The following EPB41L3 variants were observed in gnomAD, a reference collection of about 807,000 sequenced individuals.
The protein encoded by EPB41L3 is band 4.1-like protein 3.
In EPB41L3, 57 loss-of-function variants were observed where a neutral mutation model predicts 127.1. The observed-to-expected ratio is 0.45, with a 90% CI of 0.36 to 0.56. The LOEUF (loss-of-function observed/expected upper bound fraction) is 0.56. EPB41L3 is among the 20% of genes least tolerant of loss of function. The pLI is 0.00. For missense variants in EPB41L3, 1,273 were observed against 1,372.2 expected, an observed-to-expected ratio of 0.93 and a Z score of 1.14; for synonymous variants, 572 against 549.5, an observed-to-expected ratio of 1.04 and a Z score of -0.57.
intron 1 of EPB41L3, among the ~76,000 whole-genome samples, chr18:5,501,033 G>A (rs1437555590): frequency 6.6e-6 from 1 of 152,164 alleles, no homozygotes; most frequent in Non-Finnish European, 1.5e-5. Context: ...AAGACAAGCT[G>A]CCTGTAAATA....
At chr18:5,416,520 G>A in intron 12 of EPB41L3, 142 bp from the exon 13 acceptor site, 1 of 805,546 alleles carries the variant, frequency 1.2e-6, no homozygotes. Context: ...GGTTGCTCAT[G>A]AATGTTAAAG....
chr18:5,402,888 T>C (rs2074743098), intron 16 of EPB41L3, among the ~76,000 whole-genome samples: 1 of 152,168 alleles, frequency 6.6e-6, no homozygotes, highest in Non-Finnish European at 1.5e-5. Flanking sequence ...AATGGGTAAA[T>C]TTGCAAATAC....
chr18:5,512,595 AT>A (rs1220773839), intron 1 of EPB41L3, among the ~76,000 whole-genome samples: 4 of 152,186 alleles, frequency 2.6e-5, no homozygotes, highest in Non-Finnish European at 5.9e-5. Flanking sequence ...TGGAGAATGG[AT>A]TAGGGAACAG....
intron 5 of EPB41L3, among the ~76,000 whole-genome samples, chr18:5,438,619 AAC>A (rs757294661): frequency 6.6e-6 from 1 of 152,244 alleles, no homozygotes. Context: ...TGTTGCAGTG[AAC>A]AGTGTTCTAG....
In EPB41L3 at chr18:5,410,602, C is replaced by T. The variant is rs773711562; in HGVS notation, c.2085G>A (p.Thr695=). The T allele has an allele frequency of 1.7e-5, 28 of 1,613,526 alleles. No homozygotes were observed. The highest frequency in any genetic ancestry group is 1.2e-4 in the Admixed American group (7 of 59,970). The change falls in exon 14 of 23, where the codon ACG becomes ACA. Residue 695 remains threonine, a synonymous_variant. Transcript: ENST00000341928. ...SSEEETDSER[T]DTAADGETTA... is the part of the protein sequence containing the mutation. Reference sequence around the variant, plus strand: ...TGGTCTCCCCGTCGGCTGCGGTGTCCGTGCGCTCACTGTCAGTCTGTTGAC... The same window carrying T: ...TGGTCTCCCCGTCGGCTGCGGTGTCTGTGCGCTCACTGTCAGTCTGTTGAC...
At chr18:5,508,766 CAAA>C (rs397969769) in intron 1 of EPB41L3, among the ~76,000 whole-genome samples, 6 of 52,594 alleles carry the variant, frequency 1.1e-4, no homozygotes, top group Admixed American at 2.1e-4. Context: ...GACTCCATCT[CAAA>C]AAAAAAAAAA....
chr18:5,627,784 T>C (rs1249615607), intron 1 of EPB41L3, among the ~76,000 whole-genome samples: 1 of 152,198 alleles, frequency 6.6e-6, no homozygotes, highest in Non-Finnish European at 1.5e-5. Context: ...TGTATTTCCA[T>C]TATTGGGATT....
At chr18:5,469,279 G>C (rs2085618978) in intron 3 of EPB41L3, among the ~76,000 whole-genome samples, 1 of 152,222 alleles carries the variant, frequency 6.6e-6, no homozygotes, top group African/African-American at 2.4e-5. Context: ...TGGGGGGTCT[G>C]TGGTTTCTGG....
chr18:5,600,687 T>C (rs755543441), intron 3 of EPB41L3, among the ~76,000 whole-genome samples: 1 of 152,176 alleles, frequency 6.6e-6, no homozygotes, highest in African/African-American at 2.4e-5. Flanking sequence ...TTTAAAAATA[T>C]ATCCTTAAAA....
At chr18:5,545,919 A>G (rs1327864809), upstream of EPB41L3, among the ~76,000 whole-genome samples, 4 of 139,064 alleles carry the variant, frequency 2.9e-5, no homozygotes, top group African/African-American at 5.3e-5. Flanking sequence ...GTGTGTGTGT[A>G]GCACATAAGG....
chr18:5,557,678 C>A (rs984764496), intron 3 of EPB41L3, among the ~76,000 whole-genome samples: 1 of 152,196 alleles, frequency 6.6e-6, no homozygotes, highest in African/African-American at 2.4e-5. Context: ...AGCTACTGTG[C>A]CCAGGCACTC....
At chr18:5,410,960 T>C (rs368729819) in intron 13 of EPB41L3, among the ~76,000 whole-genome samples, 1 of 152,170 alleles carries the variant, frequency 6.6e-6, no homozygotes. Flanking sequence ...TCAAGCAACA[T>C]CTCCTTAAAA....
chr18:5,602,400 A>G (rs2094601178), intron 3 of EPB41L3, among the ~76,000 whole-genome samples: 3 of 152,200 alleles, frequency 2.0e-5, no homozygotes. Context: ...TCCACTTGGA[A>G]GGATCAATAG....
chr18:5,570,477 A>C (rs936925568), intron 3 of EPB41L3, among the ~76,000 whole-genome samples: 2 of 152,194 alleles, frequency 1.3e-5, no homozygotes, highest in Admixed American at 6.5e-5. Context: ...TTGGGTACTA[A>C]ACTACCATTT....
At chr18:5,477,648 T>C (rs1228231794) in intron 3 of EPB41L3, among the ~76,000 whole-genome samples, 2 of 152,174 alleles carry the variant, frequency 1.3e-5, no homozygotes, top group Non-Finnish European at 2.9e-5. Flanking sequence ...AATTTGGTCT[T>C]GACAAACATC....
intron 1 of EPB41L3, among the ~76,000 whole-genome samples, chr18:5,497,370 C>T (rs1214315619): frequency 6.6e-6 from 1 of 152,036 alleles, no homozygotes; most frequent in Non-Finnish European, 1.5e-5. Flanking sequence ...TGGCAACAGT[C>T]CAGGTGAGGG....
chr18:5,530,001 C>T (rs1322333096), intron 1 of EPB41L3, among the ~76,000 whole-genome samples: 2 of 152,050 alleles, frequency 1.3e-5, no homozygotes, highest in East Asian at 3.9e-4. Flanking sequence ...CCCTCTCCCT[C>T]ACCTCCCACC....
intron 3 of EPB41L3, among the ~76,000 whole-genome samples, chr18:5,573,664 C>T (rs534725389): frequency 6.6e-6 from 1 of 152,274 alleles, no homozygotes; most frequent in South Asian, 2.1e-4. Context: ...CAGCAGACAC[C>T]ATTTCCTATG....
chr18:5,400,905 T>C, intron 16 of EPB41L3: 1 of 997,914 alleles, frequency 1.0e-6, no homozygotes, highest in Non-Finnish European at 1.5e-6. Flanking sequence ...ACTAAGAGCA[T>C]TTTAATGACA....
Sources: gnomAD v4.1 joint callset for allele counts (sites outside exome capture counted in the v4.1 genomes callset) on GRCh38, gnomAD v4.1.1 for gene constraint, MANE v1.5 for transcripts, NCBI Gene and HGNC (gene_info 2026-07-23, HGNC 2026-07-21) for gene names.